ARHGAP15: variants seen among roughly 807,000 people sequenced by gnomAD.
ARHGAP15 encodes the protein rho GTPase-activating protein 15.
In ARHGAP15, 51 loss-of-function variants were observed where a neutral mutation model predicts 63.7. The ratio of observed to expected loss-of-function variants is 0.80; its 90% confidence interval spans 0.64 to 1.01. The LOEUF is 1.01. Ranked by LOEUF, ARHGAP15 falls within the 50% of genes least tolerant of loss-of-function variation. The probability of loss-of-function intolerance (pLI) is 0.00; values close to 1 mark genes in which losing one functional copy is unlikely to be tolerated. For synonymous variants in ARHGAP15, 191 were observed against 193.8 expected, an observed-to-expected ratio of 0.99 and a Z score of 0.12; for missense variants, 560 against 564.6, an observed-to-expected ratio of 0.99 and a Z score of 0.08.
chr2:143,346,673 G>C (rs182020859), intron 6 of ARHGAP15, among the ~76,000 whole-genome samples: 1 of 152,182 alleles, frequency 6.6e-6, no homozygotes, highest in African/African-American at 2.4e-5. Flanking sequence ...TGTCTGAGAC[G>C]ATAGGCTTCT....
At chr2:143,752,852 T>C (rs983310225) in intron 13 of ARHGAP15, among the ~76,000 whole-genome samples, 5 of 152,064 alleles carry the variant, frequency 3.3e-5, no homozygotes, top group Non-Finnish European at 5.9e-5. Context: ...ACTGACTGAG[T>C]AGGGGCCAGA....
At chr2:143,538,311 C>T (rs1694875882) in intron 10 of ARHGAP15, among the ~76,000 whole-genome samples, 1 of 152,208 alleles carries the variant, frequency 6.6e-6, no homozygotes, top group African/African-American at 2.4e-5. Context: ...GATATACAAT[C>T]ATGTCATCTG....
intron 6 of ARHGAP15, among the ~76,000 whole-genome samples, chr2:143,355,984 G>T (rs1011920307): frequency 6.6e-6 from 1 of 151,540 alleles, no homozygotes; most frequent in Non-Finnish European, 1.5e-5. Context: ...CATTTGTCCT[G>T]TCACCACTGA....
chr2:143,529,197 T>C (rs934428989), intron 10 of ARHGAP15, among the ~76,000 whole-genome samples: 1 of 152,136 alleles, frequency 6.6e-6, no homozygotes, highest in Non-Finnish European at 1.5e-5. Flanking sequence ...GCCCGCAGCA[T>C]TACAATCTAT....
chr2:143,421,766 G>GTA (rs59677710), intron 6 of ARHGAP15, among the ~76,000 whole-genome samples: 368 of 108,972 alleles, frequency 3.4e-3, no homozygotes, highest in South Asian at 0.011. Flanking sequence ...TGCACATGGT[G>GTA]TATATATATA....
intron 6 of ARHGAP15, among the ~76,000 whole-genome samples, chr2:143,412,622 T>C (rs2381475): frequency 1 from 151,975 of 152,286 alleles, 75,833 homozygotes; most frequent in Middle Eastern, 1. Context: ...CTTTAGTTTT[T>C]GTATTTACTT....
intron 2 of ARHGAP15, among the ~76,000 whole-genome samples, chr2:143,192,405 A>C (rs1049967745): frequency 6.6e-6 from 1 of 152,220 alleles, no homozygotes; most frequent in African/African-American, 2.4e-5. Context: ...CCTGAATTCA[A>C]TCACCCCTAA....
At chr2:143,390,192 A>T (rs1037932606) in intron 6 of ARHGAP15, among the ~76,000 whole-genome samples, 2 of 152,166 alleles carry the variant, frequency 1.3e-5, no homozygotes, top group Admixed American at 1.3e-4. Flanking sequence ...ATCAAAAACC[A>T]CTTTCCCTCT....
chr2:143,250,359 A>G, intron 5 of ARHGAP15, 152 bp from the exon 6 acceptor site: 1 of 481,462 alleles, frequency 2.1e-6, no homozygotes, highest in Non-Finnish European at 3.6e-6. Context: ...GTCCCAAATG[A>G]AAATTCCTAC....
intron 12 of ARHGAP15, among the ~76,000 whole-genome samples, chr2:143,642,253 T>C (rs1010950091): frequency 2.0e-5 from 3 of 152,084 alleles, no homozygotes; most frequent in Non-Finnish European, 2.9e-5. Context: ...AGTATATTTG[T>C]AGTGATTTTT....
At chr2:143,437,186 C>T in intron 8 of ARHGAP15, 144 bp downstream of exon 8, 1 of 906,136 alleles carries the variant, frequency 1.1e-6, no homozygotes, top group East Asian at 2.8e-5. Flanking sequence ...GATTTGTGCA[C>T]TGGAGGGCAG....
chr2:143,533,574 TCTC>T (rs1334059807), intron 10 of ARHGAP15, among the ~76,000 whole-genome samples: 1 of 152,146 alleles, frequency 6.6e-6, no homozygotes, highest in Non-Finnish European at 1.5e-5. Flanking sequence ...CAATAATTTG[TCTC>T]CTATTAGAGT....
chr2:143,697,096 A>G (rs1559131700), intron 12 of ARHGAP15, among the ~76,000 whole-genome samples: 1 of 152,194 alleles, frequency 6.6e-6, no homozygotes. Context: ...CTTGTTTATG[A>G]TGCAATGACA....
chr2:143,383,599 C>A (rs544763547), intron 6 of ARHGAP15, among the ~76,000 whole-genome samples: 1 of 152,204 alleles, frequency 6.6e-6, no homozygotes, highest in African/African-American at 2.4e-5. Flanking sequence ...TAAGCCAGAT[C>A]CTCGCAGTTC....
intron 12 of ARHGAP15, among the ~76,000 whole-genome samples, chr2:143,694,539 C>A (rs1683759704): frequency 6.6e-6 from 1 of 152,218 alleles, no homozygotes; most frequent in African/African-American, 2.4e-5. Flanking sequence ...CTGATAAATG[C>A]CAGAGCCAGG....
chr2:143,676,248 G>A (rs776411984), intron 12 of ARHGAP15: 27 of 152,150 alleles, frequency 1.8e-4, no homozygotes, highest in African/African-American at 5.1e-4. Context: ...ATCTTCTATC[G>A]AGCCCACTCA....
chr2:143,557,451 G>A (rs1695855045), intron 11 of ARHGAP15, among the ~76,000 whole-genome samples: 1 of 152,058 alleles, frequency 6.6e-6, no homozygotes, highest in Admixed American at 6.6e-5. Context: ...AAGATGAGTG[G>A]AAGCAGTAGG....
intron 9 of ARHGAP15, among the ~76,000 whole-genome samples, chr2:143,500,255 AC>A (rs112428435): frequency 0.018 from 2,618 of 148,270 alleles, 82 homozygotes; most frequent in African/African-American, 0.062. Context: ...TTTTATATAT[AC>A]TTTTTTAATA....
At chr2:143,239,272 T>C (rs1464545606) in intron 5 of ARHGAP15, among the ~76,000 whole-genome samples, 2 of 152,210 alleles carry the variant, frequency 1.3e-5, no homozygotes, top group African/African-American at 4.8e-5. Flanking sequence ...ATCAAGCTAT[T>C]AACACTTCCA....
Sources: gnomAD v4.1 joint callset for allele counts (sites outside exome capture counted in the v4.1 genomes callset) on GRCh38, gnomAD v4.1.1 for gene constraint, MANE v1.5 for transcripts, NCBI Gene and HGNC (gene_info 2026-07-23, HGNC 2026-07-21) for gene names.